The following LRP2 variants were observed in gnomAD, a reference collection of about 807,000 sequenced individuals.
LRP2 encodes low-density lipoprotein receptor-related protein 2.
In LRP2, 172 loss-of-function variants were observed where a neutral mutation model predicts 531.0. That is an observed-to-expected ratio of 0.32 (90% confidence interval 0.29 to 0.37). The LOEUF is 0.37. Ranked by LOEUF, LRP2 falls within the 10% of genes least tolerant of loss-of-function variation. The pLI, the probability that LRP2 is intolerant of heterozygous loss-of-function variation, is 1.00. For missense variants in LRP2, 5,167 were observed against 5,868.3 expected (o/e 0.88, Z 3.90); for synonymous variants, 1,992 against 2,027.6 (o/e 0.98, Z 0.47).
In LRP2 at chr2:169,152,970, G is replaced by A. The variant is rs1350925657; in HGVS notation, c.12296-6C>T. The A allele has an allele frequency of 2.5e-6, 4 of 1,613,540 alleles. No individual in the cohort carries two copies. The highest frequency in any genetic ancestry group is 2.2e-5 in the East Asian group (1 of 44,878). ...CACAGTGTAATACACAACACCTACA[G>A]AGGAAGACACACAGGTCAGTTTCAT... On this transcript the variant is annotated splice_region_variant and splice_polypyrimidine_tract_variant and intron_variant, in intron 66 of 78. Transcript: ENST00000649046.
intron 50 of LRP2, chr2:169,182,551 A>C: frequency 7.1e-7 from 1 of 1,399,420 alleles, no homozygotes. Context: ...TGTCATGTAG[A>C]AAATACGGGG....
In LRP2 at chr2:169,175,378, A is replaced by G. The variant is rs369424675; in HGVS notation, c.10583T>C (p.Ile3528Thr). The change falls in exon 55 of 79, where the codon ATC (isoleucine) becomes ACC (threonine). Residue 3528 changes from isoleucine to threonine, a missense_variant. Physicochemically the swap from Ile to Thr is moderately conservative, Grantham distance 89. Transcript: ENST00000649046. Reference sequence around the variant, plus strand: ...TTTCTGTCCATCACATTTCCACCAGATAGGAATGCACCTGCACAGAGAACA... The same window carrying G: ...TTTCTGTCCATCACATTTCCACCAGGTAGGAATGCACCTGCACAGAGAACA... The part of the protein sequence containing the change: ...LCANNEKCIP[I>T]WWKCDGQKDC... 2 of 1,614,132 alleles carry G rather than the reference A, an allele frequency of 1.2e-6. No homozygotes were observed. The highest frequency in any genetic ancestry group is 1.7e-6 in the Non-Finnish European group (2 of 1,180,012).
chr2:169,346,666 C>T (rs932981438), intron 1 of LRP2, among the ~76,000 whole-genome samples: 1 of 152,072 alleles, frequency 6.6e-6, no homozygotes, highest in African/African-American at 2.4e-5. Flanking sequence ...TAGTGAGACC[C>T]CCATCTCTAA....
chr2:169,216,167 A>G, intron 35 of LRP2, 86 bp downstream of exon 35: 3 of 1,420,604 alleles, frequency 2.1e-6, no homozygotes, highest in Non-Finnish European at 3.0e-6. Flanking sequence ...AGATTGTTCA[A>G]GAACCACTGC....
At chr2:169,284,229 C>G (rs1486982839) in intron 9 of LRP2, among the ~76,000 whole-genome samples, 1 of 134,512 alleles carries the variant, frequency 7.4e-6, no homozygotes, top group Non-Finnish European at 1.6e-5. Context: ...CAAGTTTCTT[C>G]TCTTTTCTTT....
At chr2:169,247,315 G>A in intron 20 of LRP2, 63 bp downstream of exon 20, 1 of 1,549,134 alleles carries the variant, frequency 6.5e-7, no homozygotes, top group East Asian at 2.3e-5. Context: ...GAGAACAGGA[G>A]CCACTGTAAC....
chr2:169,276,318 G>A (rs1420552260), intron 13 of LRP2, among the ~76,000 whole-genome samples: 1 of 152,080 alleles, frequency 6.6e-6, no homozygotes, highest in Admixed American at 6.6e-5. Context: ...ATATTTCTTT[G>A]ATGTTTCTTC....
intron 1 of LRP2, among the ~76,000 whole-genome samples, chr2:169,361,854 G>C: frequency 6.6e-6 from 1 of 152,214 alleles, no homozygotes. Context: ...GGTGGGAGGA[G>C]TGCTCTGGCC....
At chr2:169,162,968 G>A (rs1415041801) in intron 62 of LRP2, among the ~76,000 whole-genome samples, 1 of 152,250 alleles carries the variant, frequency 6.6e-6, no homozygotes, top group African/African-American at 2.4e-5. Flanking sequence ...TTACACCCCT[G>A]AGATTTCAGG....
chr2:169,319,015 C>G (rs1427978403), intron 2 of LRP2, 131 bp from the exon 3 acceptor site: 1 of 1,127,548 alleles, frequency 8.9e-7, no homozygotes, highest in Non-Finnish European at 1.3e-6. Context: ...AGTAAACAAC[C>G]CTTATACTAG....
chr2:169,201,097 C>T (rs1365271632), intron 44 of LRP2, among the ~76,000 whole-genome samples: 1 of 152,196 alleles, frequency 6.6e-6, no homozygotes, highest in African/African-American at 2.4e-5. Flanking sequence ...ATCAATTATG[C>T]AATTAGTCAA....
intron 42 of LRP2, 88 bp downstream of exon 42, chr2:169,203,894 T>C: frequency 7.0e-7 from 1 of 1,428,612 alleles, no homozygotes; most frequent in Non-Finnish European, 9.8e-7. Context: ...ATTTGAATTT[T>C]TTCTCCTGTG....
chr2:169,206,236 A>C, intron 39 of LRP2, 48 bp from the exon 40 acceptor site: 1 of 1,612,828 alleles, frequency 6.2e-7, no homozygotes, highest in Admixed American at 1.7e-5. Flanking sequence ...CAAAGACATT[A>C]GAGTCTCATA....
At chr2:169,164,686 T>C (rs1362700279) in intron 62 of LRP2, among the ~76,000 whole-genome samples, 3 of 152,196 alleles carry the variant, frequency 2.0e-5, no homozygotes, top group East Asian at 1.9e-4. Context: ...AAACTTTACA[T>C]GAGCAAGAAA....
chr2:169,237,015 A>G, intron 28 of LRP2, 88 bp downstream of exon 28: 1 of 1,135,966 alleles, frequency 8.8e-7, no homozygotes, highest in East Asian at 2.3e-5. Flanking sequence ...GCATATCAGC[A>G]ACATGCATAT....
Position 169,142,669 on chromosome 2 carries a change from C to T in LRP2, c.13108+5G>A. 2 of 1,613,700 alleles carry T rather than the reference C, an allele frequency of 1.2e-6. No homozygotes were observed. The highest frequency in any genetic ancestry group is 1.7e-6 in the Non-Finnish European group (2 of 1,179,782). Reference sequence around the variant, plus strand: ...CCCCCATAGCTGCTTGGGCAGTGCTCCTACCTGCATCACACTCAGTGGTGC... The same window carrying T: ...CCCCCATAGCTGCTTGGGCAGTGCTTCTACCTGCATCACACTCAGTGGTGC... On this transcript the variant is annotated splice_donor_5th_base_variant and intron_variant, in intron 71 of 78. Transcript: ENST00000649046.
At chr2:169,222,271 G>A (rs9646731) in intron 33 of LRP2, among the ~76,000 whole-genome samples, 51,690 of 151,942 alleles carry the variant, frequency 0.34, 9,149 homozygotes, top group South Asian at 0.6. Context: ...GGGAAACAGC[G>A]CTCTGTATTT....
chr2:169,143,243 C>T (rs1322333783), intron 70 of LRP2, among the ~76,000 whole-genome samples: 1 of 152,166 alleles, frequency 6.6e-6, no homozygotes, highest in African/African-American at 2.4e-5. Flanking sequence ...TGATTTCCAC[C>T]CCAACCCTCC....
chr2:169,184,492 C>G (rs1219890971), intron 50 of LRP2, among the ~76,000 whole-genome samples: 1 of 152,188 alleles, frequency 6.6e-6, no homozygotes, highest in East Asian at 1.9e-4. Flanking sequence ...ATCTTTACAG[C>G]ATACATCTTT....
Sources: allele counts gnomAD v4.1 joint callset (sites outside exome capture counted in the v4.1 genomes callset), GRCh38; gene constraint gnomAD v4.1.1; transcripts MANE v1.5; gene names NCBI Gene and HGNC (gene_info 2026-07-23, HGNC 2026-07-21).